CYP3A5: variants seen among roughly 807,000 people sequenced by gnomAD.
CYP3A5 encodes the protein cytochrome P450 3A5.
In CYP3A5, 51 loss-of-function variants were observed where a neutral mutation model predicts 55.9. The ratio of observed to expected loss-of-function variants is 0.91; its 90% CI spans 0.73 to 1.15. The LOEUF (loss-of-function observed/expected upper bound fraction) is 1.15. Ranked by LOEUF, CYP3A5 falls within the 50% of genes most tolerant of loss-of-function variation. The pLI, the probability that CYP3A5 is intolerant of heterozygous loss-of-function variation, is 0.00. For missense variants in CYP3A5, 533 were observed against 596.6 expected (o/e 0.89, Z 1.11); for synonymous variants, 196 against 213.9 (o/e 0.92, Z 0.73).
chr7:99,673,487 T>C (rs1811890619), intron 3 of CYP3A5, among the ~76,000 whole-genome samples: 1 of 152,238 alleles, frequency 6.6e-6, no homozygotes, highest in Non-Finnish European at 1.5e-5. Context: ...AGTGCAATGG[T>C]ATAAACCAAT....
chr7:99,674,292 ATGGAGCATCTT>A (rs1812002286), intron 3 of CYP3A5: 2 of 378,162 alleles, frequency 5.3e-6, no homozygotes, highest in African/African-American at 4.2e-5. Flanking sequence ...CATATTTTCT[ATGGAGCATCTT>A]TGTCTTGTTT....
intron 11 of CYP3A5, among the ~76,000 whole-genome samples, chr7:99,652,051 T>C (rs1809243494): frequency 6.6e-6 from 1 of 152,142 alleles, no homozygotes; most frequent in African/African-American, 2.4e-5. Flanking sequence ...TTAAAGTTTC[T>C]GTTAAATTCA....
Position 99,662,710 on chromosome 7 carries a change from G to A in CYP3A5, c.865+106C>T. 2 of 1,103,856 alleles carry A rather than the reference G, an allele frequency of 1.8e-6. No individual in the cohort carries two copies. Among genetic ancestry groups the A allele is most frequent in the South Asian group, 2.7e-5 (2 of 74,086 alleles). The allele number at this position is 1,103,856 out of a possible 1,614,324, so 68.4% of individuals were successfully genotyped here. On this transcript the variant is annotated intron_variant, in intron 9 of 12. Transcript: ENST00000222982. This position sits in a 1 kb window ranked among gnomAD's most constrained non-coding sequence, Gnocchi z 4.3. ...ATCTAAATGTGTGTTGTTCTGCTAT[G>A]TGGCAAAAATTCTCATCTTCCTGGA...
At chr7:99,676,509 TC>T (rs771081197) in intron 1 of CYP3A5, 169 of 1,381,522 alleles carry the variant, frequency 1.2e-4, no homozygotes, top group Non-Finnish European at 1.6e-4. Flanking sequence ...CAGGAATTCT[TC>T]CAGGACACTT....
intron 12 of CYP3A5, 73 bp downstream of exon 12, chr7:99,650,000 G>T: frequency 6.6e-7 from 1 of 1,524,266 alleles, no homozygotes; most frequent in Non-Finnish European, 9.0e-7. Context: ...AGATAAACAT[G>T]CATATTCTTT....
Position 99,665,315 on chromosome 7 carries a change from C to T in CYP3A5, c.522-1G>A. The T allele has an allele frequency of 6.2e-7, 1 of 1,614,106 alleles. No homozygotes were observed. Among genetic ancestry groups the T allele is most frequent in the Non-Finnish European group, 8.5e-7 (1 of 1,180,014 alleles). ...ATCCATGCTGTAGGCCCCAAAGATGCTGAGTGGAGAAAGATATGGAAAATT... is the reference window on the plus strand; with the variant it reads ...ATCCATGCTGTAGGCCCCAAAGATGTTGAGTGGAGAAAGATATGGAAAATT... On this transcript the variant is annotated splice_acceptor_variant, in intron 6 of 12. Coordinates refer to ENST00000222982, the MANE Select transcript of CYP3A5 (RefSeq NM_000777.5). LOFTEE classifies it high-confidence loss of function.
chr7:99,660,425 C>A (rs1290585181), intron 10 of CYP3A5, 74 bp downstream of exon 10: 1 of 1,504,444 alleles, frequency 6.6e-7, no homozygotes, highest in East Asian at 2.4e-5. Flanking sequence ...TAAAAATTCT[C>A]CTGGGGAGTG....
chr7:99,666,948 A>G lies in CYP3A5; in HGVS notation c.432+4T>C, dbSNP rs1046659243. 4 of 1,612,960 alleles carry G rather than the reference A, an allele frequency of 2.5e-6. No individual in the cohort carries two copies. Among genetic ancestry groups the G allele is most frequent in the Non-Finnish European group, 3.4e-6 (4 of 1,179,296 alleles). On this transcript the variant is annotated splice_donor_region_variant and intron_variant, in intron 5 of 12. Transcript: ENST00000222982. ...TCTAATTAAGACTCATCTTATTTTC[A>G]TACCTCCTTGAGTTTTCCGCTGGTG...
intron 10 of CYP3A5, 87 bp from the exon 11 acceptor site, chr7:99,652,866 G>A: frequency 1.0e-6 from 1 of 960,570 alleles, no homozygotes; most frequent in South Asian, 1.6e-5. Context: ...AGTATTAGAA[G>A]CTCCAGAGAA....
At position 99,666,990 on chromosome 7, in the gene CYP3A5, A is replaced by C. The variant is rs189107290; in HGVS notation, c.394T>G (p.Leu132Val). 1.2e-6 allele frequency: 2 copies of C among 1,614,014 alleles called. No homozygotes were observed. The highest frequency in any genetic ancestry group is 1.7e-6 in the Non-Finnish European group (2 of 1,180,020). The part of the protein sequence containing the change: ...EDEEWKRIRS[L>V]LSPTFTSGKL... The stretch of plus-strand genomic sequence containing the variant: ...CCGCTGGTGAAGGTTGGAGACAGCA[A>C]TGACCGTATTCTCTTCCATTCTTCA... The change falls in exon 5 of 13, where the codon TTG becomes GTG. Residue 132 changes from leucine to valine, a missense_variant. Transcript: ENST00000222982.
intron 4 of CYP3A5, 25 bp downstream of exon 4, chr7:99,672,555 T>A: frequency 1.3e-6 from 2 of 1,589,296 alleles, no homozygotes; most frequent in Non-Finnish European, 1.7e-6. Context: ...AATCATTATT[T>A]AAATTTCAAA....
At position 99,664,046 on chromosome 7, in the gene CYP3A5, CAGAG is replaced by C; in HGVS notation, c.716_719del (p.Ser239CysfsTer7). The C allele has an allele frequency of 1.3e-6, 2 of 1,598,612 alleles. No homozygotes were observed. Among genetic ancestry groups the C allele is most frequent in the Non-Finnish European group, 1.7e-6 (2 of 1,176,528 alleles). On this transcript the variant is annotated frameshift_variant, in exon 8 of 13. Transcript: ENST00000222982. LOFTEE classifies it high-confidence loss of function. ...AAAAATTTATGGTATCTTTTGGAAA[CAGAG>C]AGACATTTAATGCTTCAAAAACTGG...
chr7:99,660,458 G>C lies in CYP3A5; in HGVS notation c.1026+41C>G. The C allele has an allele frequency of 1.9e-6, 3 of 1,556,678 alleles. No individual in the cohort carries two copies. The South Asian group carries it at 3.6e-5, about 19-fold the overall frequency. On this transcript the variant is annotated intron_variant, in intron 10 of 12. Transcript: ENST00000222982. ...GTGGTGAGGAGGCATTTTTGCTAAG[G>C]CTTCACCTCTTCCCTTCATCTCCAG...
intron 4 of CYP3A5, chr7:99,671,836 C>T (rs763317869): frequency 3.4e-5 from 24 of 702,780 alleles, no homozygotes; most frequent in South Asian, 7.4e-5. Flanking sequence ...CACATGGTGA[C>T]GGAATGGGTC....
chr7:99,677,553 G>A (rs1322184060), intron 1 of CYP3A5, among the ~76,000 whole-genome samples: 2 of 152,216 alleles, frequency 1.3e-5, no homozygotes, highest in Non-Finnish European at 2.9e-5. Context: ...CTTCAAGGCA[G>A]TATAGGTTCC....
chr7:99,660,240 T>TAA, intron 10 of CYP3A5: 1 of 977,946 alleles, frequency 1.0e-6, no homozygotes, highest in Non-Finnish European at 1.2e-6. Context: ...TTTTTTTTTT[T>TAA]TTTTTACTTA....
Position 99,676,465 on chromosome 7 carries a change from A to G in CYP3A5, c.72-257T>C, listed in dbSNP as rs887318931. ...GTCCCAATCCTGGAGTGAATACTTG[A>G]TAAATGTCCTCAAATGCTCCTGAGA... is the stretch of plus-strand genomic sequence containing the variant. On this transcript the variant is annotated intron_variant, in intron 1 of 12. Transcript: ENST00000222982. 7 of 1,430,602 alleles carry G rather than the reference A, an allele frequency of 4.9e-6. No individual in the cohort carries two copies. In the African/African-American group the frequency reaches 8.5e-5, roughly 17 times the overall value. 88.6% of individuals were successfully genotyped at this position (1,430,602 alleles called of 1,614,324 possible). A position where few individuals can be genotyped will look rare whatever the true frequency, so the allele number is the denominator to read the frequency against.
chr7:99,649,609 A>G (rs1274417826), intron 12 of CYP3A5, among the ~76,000 whole-genome samples: 1 of 152,258 alleles, frequency 6.6e-6, no homozygotes, highest in East Asian at 1.9e-4. Context: ...GCTCTGGGTT[A>G]ATTAGTTTAG....
At chr7:99,679,224 A>G (rs189730303) in intron 1 of CYP3A5, among the ~76,000 whole-genome samples, 2 of 151,774 alleles carry the variant, frequency 1.3e-5, no homozygotes, top group African/African-American at 2.4e-5. Flanking sequence ...CATAGGAGGG[A>G]GGGGATTTTC....
Sources: gnomAD v4.1 joint callset for allele counts (sites outside exome capture counted in the v4.1 genomes callset) on GRCh38, gnomAD v4.1.1 for gene constraint, Gnocchi (gnomAD v3.1) non-coding constraint, MANE v1.5 for transcripts, NCBI Gene and HGNC (gene_info 2026-07-23, HGNC 2026-07-21) for gene names.